STK32B: variants seen among roughly 807,000 people sequenced by gnomAD.
STK32B encodes the protein serine/threonine kinase 32B, also known as serine/threonine-protein kinase 32B.
A neutral mutation model predicts 52.6 loss-of-function variants in STK32B; 43 were observed. That is an observed-to-expected ratio of 0.82 (90% CI 0.64 to 1.05). The LOEUF (loss-of-function observed/expected upper bound fraction) is 1.05, where lower values mean the gene tolerates loss of function less well. Ranked by LOEUF, STK32B falls within the 50% of genes least tolerant of loss-of-function variation. The probability of loss-of-function intolerance (pLI) is 0.00; values close to 1 mark genes in which losing one functional copy is unlikely to be tolerated. For synonymous variants in STK32B, 238 were observed against 204.3 expected, an observed-to-expected ratio of 1.17 and a Z score of -1.41; for missense variants, 621 against 534.6, an observed-to-expected ratio of 1.16 and a Z score of -1.59.
At chr4:5,246,382 G>A (rs568276643) in intron 3 of STK32B, among the ~76,000 whole-genome samples, 77 of 152,292 alleles carry the variant, frequency 5.1e-4, no homozygotes, top group African/African-American at 1.8e-3. Context: ...TGAGGCTTGA[G>A]CATTTGTCAC....
At position 5,437,650 on chromosome 4, in the gene STK32B, T is replaced by G. The variant is rs975154791; in HGVS notation, c.563-9023T>G. Among the ~76,000 whole-genome samples, 4 of 152,224 alleles carry G rather than the reference T, an allele frequency of 2.6e-5. No homozygotes were observed. The East Asian group carries it at 7.7e-4, about 29-fold the overall frequency. On this transcript the variant is annotated intron_variant, in intron 6 of 11. Coordinates refer to ENST00000282908, the MANE Select transcript of STK32B (RefSeq NM_018401.3). Reference sequence around the variant, plus strand: ...TTTAGGGGGCAATGATTCGGCCCACTACATCTCCAAATGCCTCTGCCTCCT... The same window carrying G: ...TTTAGGGGGCAATGATTCGGCCCACGACATCTCCAAATGCCTCTGCCTCCT...
Position 5,467,866 on chromosome 4 carries a change from C to A in STK32B, c.1042-140C>A. The A allele has an allele frequency of 1.1e-6, 1 of 903,002 alleles. No homozygotes were observed. 55.9% of individuals were successfully genotyped at this position (903,002 alleles called of 1,614,324 possible). A position where few individuals can be genotyped will look rare whatever the true frequency, so the allele number is the denominator to read the frequency against. On this transcript the variant is annotated intron_variant, in intron 10 of 11. Coordinates refer to ENST00000282908, the MANE Select transcript of STK32B (RefSeq NM_018401.3). The surrounding 1 kb of genome is among the most constrained non-coding windows in gnomAD (Gnocchi z 5.8). ...CCACCCATGCAGTCAGGGTCAGCCC[C>A]AGACACTTAGCTTGGCTTGTCCCGG...
chr4:5,438,138 G>T (rs943447536), intron 6 of STK32B: 1 of 984,650 alleles, frequency 1.0e-6, no homozygotes, highest in Non-Finnish European at 1.2e-6. Flanking sequence ...TGCACCCTGC[G>T]CTATTGGAGC....
At chr4:5,187,896 C>A (rs1374897917) in intron 3 of STK32B, among the ~76,000 whole-genome samples, 3 of 152,152 alleles carry the variant, frequency 2.0e-5, no homozygotes, top group Non-Finnish European at 4.4e-5. Context: ...ATGGATGCTA[C>A]TCTGAGGGAG....
rs1369569887 is a variant in STK32B, at chr4:5,483,254, T to A, written c.1106+15184T>A. ...GGTTGGTAAGCTATTGATTATTGCC[T>A]CAATTTCAGAGCCTGTTATTGGTCT... On this transcript the variant is annotated intron_variant, in intron 11 of 11. Coordinates refer to ENST00000282908, the MANE Select transcript of STK32B (RefSeq NM_018401.3). Among the ~76,000 whole-genome samples the A allele has an allele frequency of 1.0e-3, 154 of 150,790 alleles. 1 individual carries two copies. Among genetic ancestry groups the A allele is most frequent in the African/African-American group, 3.7e-3 (150 of 40,148 alleles).
intron 1 of STK32B, among the ~76,000 whole-genome samples, chr4:5,115,989 C>T (rs915862302): frequency 3.9e-5 from 6 of 152,150 alleles, no homozygotes; most frequent in Non-Finnish European, 8.8e-5. Flanking sequence ...TGCTACGTGG[C>T]AGGACTGCTA....
intron 2 of STK32B, among the ~76,000 whole-genome samples, chr4:5,144,508 G>A (rs999046150): frequency 1.3e-5 from 2 of 152,158 alleles, no homozygotes; most frequent in African/African-American, 4.8e-5. Flanking sequence ...CACAAATATG[G>A]TACTGGGACA....
At chr4:5,207,828 A>T (rs1722667352) in intron 3 of STK32B, among the ~76,000 whole-genome samples, 1 of 150,124 alleles carries the variant, frequency 6.7e-6, no homozygotes, top group Non-Finnish European at 1.5e-5. Flanking sequence ...AAGTTGCATG[A>T]CCTGTGTCAT....
intron 6 of STK32B, among the ~76,000 whole-genome samples, chr4:5,429,471 A>G (rs10007405): frequency 0.16 from 23,797 of 151,928 alleles, 2,588 homozygotes; most frequent in East Asian, 0.41. Flanking sequence ...TACATCTTCA[A>G]TTAATCAGAA....
intron 3 of STK32B, among the ~76,000 whole-genome samples, chr4:5,291,522 C>G (rs1728890995): frequency 6.6e-6 from 1 of 152,064 alleles, no homozygotes; most frequent in Admixed American, 6.5e-5. Context: ...TGCAGCCTTA[C>G]TAAATTCATG....
At chr4:5,352,189 A>C (rs1361362444) in intron 4 of STK32B, among the ~76,000 whole-genome samples, 8 of 152,150 alleles carry the variant, frequency 5.3e-5, no homozygotes, top group Non-Finnish European at 1.5e-5. Flanking sequence ...TAGACGTAAA[A>C]ATTCTCAAGA....
At chr4:5,424,276 C>G (rs773839103) in intron 6 of STK32B, among the ~76,000 whole-genome samples, 1 of 152,122 alleles carries the variant, frequency 6.6e-6, no homozygotes, top group Non-Finnish European at 1.5e-5. Context: ...ACAGCCTGGC[C>G]CCCATGAACA....
chr4:5,140,844 C>T (rs1224697026), intron 2 of STK32B, among the ~76,000 whole-genome samples: 1 of 152,206 alleles, frequency 6.6e-6, no homozygotes, highest in Non-Finnish European at 1.5e-5. Context: ...ATTTTAGACT[C>T]TGTTGATCAG....
At chr4:5,485,453 A>T (rs1560453905) in intron 11 of STK32B, among the ~76,000 whole-genome samples, 3 of 151,262 alleles carry the variant, frequency 2.0e-5, no homozygotes, top group African/African-American at 7.3e-5. Context: ...TCCTTTAAGG[A>T]CTTCTCTGTA....
At chr4:5,403,995 T>C (rs970715794) in intron 5 of STK32B, among the ~76,000 whole-genome samples, 1 of 151,970 alleles carries the variant, frequency 6.6e-6, no homozygotes, top group Admixed American at 6.6e-5. Context: ...CTGGGGAAGA[T>C]TGTAGTGAGA....
At chr4:5,126,655 C>T (rs1459275888) in intron 1 of STK32B, among the ~76,000 whole-genome samples, 5 of 152,222 alleles carry the variant, frequency 3.3e-5, no homozygotes, top group Admixed American at 3.3e-4. Flanking sequence ...GAGCTGACAG[C>T]GCCAGGTGAG....
At chr4:5,084,517 AT>A (rs1427927744) in intron 1 of STK32B, among the ~76,000 whole-genome samples, 1 of 152,236 alleles carries the variant, frequency 6.6e-6, no homozygotes, top group East Asian at 1.9e-4. Flanking sequence ...TATAATAAAA[AT>A]ATTTATGGCA....
chr4:5,202,262 C>G (rs949224839), intron 3 of STK32B, among the ~76,000 whole-genome samples: 1 of 152,260 alleles, frequency 6.6e-6, no homozygotes, highest in Non-Finnish European at 1.5e-5. Context: ...TCTCCTTTCA[C>G]TCTGTGTCTC....
At chr4:5,476,158 C>G (rs1560446064) in intron 11 of STK32B, among the ~76,000 whole-genome samples, 1 of 152,086 alleles carries the variant, frequency 6.6e-6, no homozygotes, top group Non-Finnish European at 1.5e-5. Flanking sequence ...CCTCGGCCTC[C>G]CAAAGTGCTG....
Sources: allele counts gnomAD v4.1 joint callset (sites outside exome capture counted in the v4.1 genomes callset), GRCh38; gene constraint gnomAD v4.1.1; non-coding constraint Gnocchi (gnomAD v3.1); transcripts MANE v1.5; gene names NCBI Gene and HGNC (gene_info 2026-07-23, HGNC 2026-07-21).